The following EXT1 variants were observed in gnomAD, a reference collection of about 807,000 sequenced individuals.
EXT1 encodes the protein exostosin-1.
A neutral mutation model predicts 82.5 loss-of-function variants in EXT1; 20 were observed. The ratio of observed to expected loss-of-function variants is 0.24; its 90% CI spans 0.17 to 0.35. EXT1 has a LOEUF of 0.35. EXT1 is among the 10% of genes least tolerant of loss of function. The pLI, the probability that EXT1 is intolerant of heterozygous loss-of-function variation, is 1.00. For synonymous variants in EXT1, 348 were observed against 350.8 expected (o/e 0.99, Z 0.09); for missense variants, 757 against 936.5 (o/e 0.81, Z 2.50).
intron 1 of EXT1, among the ~76,000 whole-genome samples, chr8:117,850,655 A>G (rs1812437317): frequency 6.6e-6 from 1 of 152,222 alleles, no homozygotes; most frequent in African/African-American, 2.4e-5. Flanking sequence ...CTAAAGCTAG[A>G]TAACTATTCT....
intron 1 of EXT1, among the ~76,000 whole-genome samples, chr8:117,895,825 C>T (rs1037874104): frequency 5.9e-5 from 9 of 152,094 alleles, no homozygotes; most frequent in African/African-American, 2.2e-4. Context: ...AGTAAGTTAC[C>T]CTCCTTTTTG....
chr8:118,052,291 CATAAT>C (rs1411031796), intron 1 of EXT1, among the ~76,000 whole-genome samples: 3 of 152,188 alleles, frequency 2.0e-5, no homozygotes, highest in African/African-American at 7.2e-5. Flanking sequence ...AACATTTCCT[CATAAT>C]ATAGTTGGAT....
chr8:118,072,096 G>C (rs1266275072), intron 1 of EXT1, among the ~76,000 whole-genome samples: 1 of 152,196 alleles, frequency 6.6e-6, no homozygotes, highest in Non-Finnish European at 1.5e-5. Flanking sequence ...ACTTTGGGCA[G>C]GTATTAGACT....
intron 1 of EXT1, among the ~76,000 whole-genome samples, chr8:117,973,728 A>G (rs1001104716): frequency 1.3e-5 from 2 of 151,532 alleles, no homozygotes; most frequent in African/African-American, 4.9e-5. Flanking sequence ...TAATCACGCC[A>G]CTGCACTCCA....
chr8:117,855,925 C>T (rs987119870), intron 1 of EXT1, among the ~76,000 whole-genome samples: 4 of 152,224 alleles, frequency 2.6e-5, no homozygotes, highest in Admixed American at 1.3e-4. Flanking sequence ...CCGCCTCGGC[C>T]TCCCAAAGTG....
intron 1 of EXT1, among the ~76,000 whole-genome samples, chr8:118,069,023 C>G (rs953602465): frequency 6.6e-6 from 1 of 152,156 alleles, no homozygotes; most frequent in South Asian, 2.1e-4. Context: ...CCTACACCCC[C>G]TTCTAGCATA....
intron 1 of EXT1, among the ~76,000 whole-genome samples, chr8:118,074,939 G>A (rs1817180368): frequency 6.6e-6 from 1 of 152,196 alleles, no homozygotes; most frequent in Admixed American, 6.5e-5. Context: ...AGGAGAGCCG[G>A]CTGTGGGTTT....
intron 1 of EXT1, among the ~76,000 whole-genome samples, chr8:117,974,405 T>A (rs1038742141): frequency 6.6e-6 from 1 of 152,202 alleles, no homozygotes; most frequent in Non-Finnish European, 1.5e-5. Flanking sequence ...ATCTGCTCCA[T>A]GGCTTCACAA....
intron 4 of EXT1, 95 bp from the exon 5 acceptor site, chr8:117,822,692 A>ACTACTCTGACT: frequency 7.0e-7 from 1 of 1,436,194 alleles, no homozygotes; most frequent in Non-Finnish European, 9.7e-7. Context: ...GGTGGCAGTC[A>ACTACTCTGACT]GAGTAGTGAC....
chr8:117,944,684 T>C (rs1215780512), intron 1 of EXT1, among the ~76,000 whole-genome samples: 1 of 152,078 alleles, frequency 6.6e-6, no homozygotes, highest in African/African-American at 2.4e-5. Context: ...ATGGTTGAAA[T>C]GCTTATTAAA....
Position 118,110,422 on chromosome 8 carries a change from A to G in EXT1, c.625T>C (p.Phe209Leu). 2 of 1,614,124 alleles carry G rather than the reference A, an allele frequency of 1.2e-6. No homozygotes were observed. The highest frequency in any genetic ancestry group is 1.7e-6 in the Non-Finnish European group (2 of 1,180,046). ...TWPDYTEDVGFDIGQAMLAKA... is the reference protein window; with the variant it reads ...TWPDYTEDVGLDIGQAMLAKA... ...GCCAGCATCGCCTGGCCGATGTCAAACCCCACGTCCTCGGTGTAGTCAGGC... is the reference window on the plus strand; with the variant it reads ...GCCAGCATCGCCTGGCCGATGTCAAGCCCCACGTCCTCGGTGTAGTCAGGC... The change falls in exon 1 of 11, where the codon TTT (phenylalanine) becomes CTT (leucine). Residue 209 changes from phenylalanine (F) to leucine (L), a missense_variant. By Grantham distance (22) the Phe-to-Leu change is conservative. This residue lies in a region of EXT1 where 247 missense variants were observed against 330.1 expected (regional missense o/e 0.75). Coordinates refer to ENST00000378204, the MANE Select transcript of EXT1 (RefSeq NM_000127.3).
intron 1 of EXT1, among the ~76,000 whole-genome samples, chr8:118,015,077 C>T (rs1815976971): frequency 6.6e-6 from 1 of 152,190 alleles, no homozygotes; most frequent in Admixed American, 6.5e-5. Flanking sequence ...AAGTTACTGA[C>T]TCAATTCATT....
chr8:117,807,405 C>A (rs987262208), intron 8 of EXT1, 28 bp from the exon 9 acceptor site: 1 of 1,613,910 alleles, frequency 6.2e-7, no homozygotes, highest in Admixed American at 1.7e-5. Context: ...GCCAAACAAG[C>A]AATCAACAGT....
chr8:117,882,015 C>A (rs531073709), intron 1 of EXT1, among the ~76,000 whole-genome samples: 1 of 152,274 alleles, frequency 6.6e-6, no homozygotes, highest in African/African-American at 2.4e-5. Flanking sequence ...GAATTTTCTG[C>A]CATTTAACAC....
intron 1 of EXT1, among the ~76,000 whole-genome samples, chr8:118,095,851 T>G (rs1451909789): frequency 6.6e-6 from 1 of 152,232 alleles, no homozygotes; most frequent in Non-Finnish European, 1.5e-5. Context: ...CCTTGAGTAC[T>G]TCTATGCAAT....
At chr8:117,861,449 G>C (rs1586247731) in intron 1 of EXT1, among the ~76,000 whole-genome samples, 1 of 151,462 alleles carries the variant, frequency 6.6e-6, no homozygotes, top group East Asian at 1.9e-4. Context: ...TGTATGAAAG[G>C]AGAGCATGGA....
intron 1 of EXT1, among the ~76,000 whole-genome samples, chr8:117,931,164 T>C (rs1199801967): frequency 2.0e-5 from 3 of 152,226 alleles, no homozygotes; most frequent in Middle Eastern, 3.2e-3. Flanking sequence ...GCCCTGCCTT[T>C]GGAAAGCCAT....
chr8:118,057,036 T>C (rs1816805058), intron 1 of EXT1, among the ~76,000 whole-genome samples: 1 of 152,160 alleles, frequency 6.6e-6, no homozygotes, highest in South Asian at 2.1e-4. Flanking sequence ...TTCCTTATGA[T>C]GATCATAGGT....
At chr8:118,022,326 CTTTTTTTTTTTTTTTTT>C in intron 1 of EXT1, among the ~76,000 whole-genome samples, 1 of 46,196 alleles carries the variant, frequency 2.2e-5, no homozygotes, top group African/African-American at 7.5e-5. Context: ...CATATATATT[CTTTTTTTTTTTTTTTTT>C]TTTTTTTTTT....
Sources: gnomAD v4.1 joint callset for allele counts (sites outside exome capture counted in the v4.1 genomes callset) on GRCh38, gnomAD v4.1.1 for gene constraint, gnomAD v4.1.1 regional missense constraint, MANE v1.5 for transcripts, NCBI Gene and HGNC (gene_info 2026-07-23, HGNC 2026-07-21) for gene names.